Variants in GALNT1 observed in about 807,000 individuals in gnomAD.
GALNT1 encodes polypeptide N-acetylgalactosaminyltransferase 1, also known as GalNAc transferase 1.
GALNT1 carries 17 observed loss-of-function variants against 65.7 expected under a neutral mutation model. That is an observed-to-expected ratio of 0.26 (90% CI 0.18 to 0.39). GALNT1 has a LOEUF of 0.39. Among genes scored for constraint, GALNT1 ranks in the 10% least tolerant of loss-of-function variants. The probability of loss-of-function intolerance (pLI) is 1.00; values close to 1 mark genes in which losing one functional copy is unlikely to be tolerated. For missense variants in GALNT1, 460 were observed against 672.8 expected (o/e 0.68, Z 3.50); for synonymous variants, 210 against 219.7 (o/e 0.96, Z 0.39).
chr18:35,669,482 C>T (rs1206355337), intron 3 of GALNT1, among the ~76,000 whole-genome samples: 2 of 152,140 alleles, frequency 1.3e-5, no homozygotes, highest in Non-Finnish European at 2.9e-5. Flanking sequence ...ATAAATGATA[C>T]ATTAAAAATA....
At position 35,703,515 on chromosome 18, in the gene GALNT1, T is replaced by A. The variant is rs1208737210; in HGVS notation, c.1405T>A (p.Ser469Thr). 4 of 1,613,434 alleles carry A rather than the reference T, an allele frequency of 2.5e-6. No individual in the cohort carries two copies. Among genetic ancestry groups the A allele is most frequent in the Non-Finnish European group, 3.4e-6 (4 of 1,179,716 alleles). Residue 469 changes from serine (S) to threonine (T), a missense_variant, in exon 11 of 12, where the codon TCT (serine) becomes ACT (threonine). Coordinates refer to ENST00000269195, the MANE Select transcript of GALNT1 (RefSeq NM_020474.4). ...CHGMGGNQVFSYTANKEIRTD... is the reference protein window; with the variant it reads ...CHGMGGNQVFTYTANKEIRTD... ...TGTGCATTTTTATTTCCAGGTTTTC[T>A]CTTATACTGCCAACAAAGAAATTAG...
At chr18:35,635,050 C>A (rs73946678) in intron 1 of GALNT1, among the ~76,000 whole-genome samples, 2,412 of 152,122 alleles carry the variant, frequency 0.016, 31 homozygotes, top group African/African-American at 0.028. Context: ...TCCCAGTTGC[C>A]GCTGATTTTC....
intron 1 of GALNT1, among the ~76,000 whole-genome samples, chr18:35,611,530 A>G (rs927192981): frequency 1.3e-4 from 20 of 152,228 alleles, no homozygotes; most frequent in Admixed American, 7.2e-4. Flanking sequence ...TTAAAAGACA[A>G]TTTGCTCTCT....
rs746552085 is a variant in GALNT1, at chr18:35,677,560, CT to C, written c.315-26del. The C allele has an allele frequency of 5.7e-6, 9 of 1,572,894 alleles. No individual in the cohort carries two copies. In the Admixed American group the frequency reaches 1.2e-4, roughly 22 times the overall value. On this transcript the variant is annotated intron_variant, in intron 3 of 11. Coordinates refer to ENST00000269195, the MANE Select transcript of GALNT1 (RefSeq NM_020474.4). ...CTTTATTATGCAATCTTAACAGTCACTTTTTATAAAGGCATTTGCTTTGTCT... is the reference window on the plus strand; with the variant it reads ...CTTTATTATGCAATCTTAACAGTCACTTTTATAAAGGCATTTGCTTTGTCT...
At chr18:35,683,027 G>A (rs946887981) in intron 4 of GALNT1, among the ~76,000 whole-genome samples, 3 of 151,654 alleles carry the variant, frequency 2.0e-5, no homozygotes, top group Non-Finnish European at 4.4e-5. Flanking sequence ...CATATTCTGT[G>A]TCTTCTCTCT....
chr18:35,655,472 A>T (rs1355395904), intron 2 of GALNT1, among the ~76,000 whole-genome samples: 1 of 151,150 alleles, frequency 6.6e-6, no homozygotes, highest in Non-Finnish European at 1.5e-5. Context: ...TATTCAACAA[A>T]CAAATGTTGC....
chr18:35,643,950 T>G (rs754103313), intron 1 of GALNT1, among the ~76,000 whole-genome samples: 69 of 152,210 alleles, frequency 4.5e-4, no homozygotes, highest in Non-Finnish European at 9.3e-4. Flanking sequence ...CATACATTAC[T>G]TTACAAACAG....
intron 1 of GALNT1, among the ~76,000 whole-genome samples, chr18:35,629,910 G>C (rs1396360955): frequency 1.3e-5 from 2 of 152,136 alleles, no homozygotes; most frequent in Admixed American, 1.3e-4. Flanking sequence ...TGCAATCCTA[G>C]TTTCTGATAA....
At chr18:35,689,564 G>A (rs1337562749) in intron 7 of GALNT1, among the ~76,000 whole-genome samples, 4 of 152,020 alleles carry the variant, frequency 2.6e-5, no homozygotes, top group Admixed American at 2.6e-4. Context: ...AGTAATTTAA[G>A]CTCTAAAAGC....
At chr18:35,602,098 A>G (rs2046589122) in intron 1 of GALNT1, among the ~76,000 whole-genome samples, 1 of 152,170 alleles carries the variant, frequency 6.6e-6, no homozygotes, top group South Asian at 2.1e-4. Context: ...TGTCTGGGAA[A>G]TACTTGATCT....
At chr18:35,693,048 T>C (rs781379625) in intron 9 of GALNT1, among the ~76,000 whole-genome samples, 2 of 152,194 alleles carry the variant, frequency 1.3e-5, no homozygotes, top group African/African-American at 2.4e-5. Flanking sequence ...AGACAGATTA[T>C]GAAAGGCACA....
At chr18:35,686,226 TGAGA>T (rs1342748426) in intron 5 of GALNT1, among the ~76,000 whole-genome samples, 6 of 152,102 alleles carry the variant, frequency 3.9e-5, no homozygotes, top group African/African-American at 1.5e-4. Context: ...GAAAAAATCT[TGAGA>T]GAGAAATGGA....
intron 1 of GALNT1, among the ~76,000 whole-genome samples, chr18:35,643,384 C>T (rs534601434): frequency 1.3e-5 from 2 of 152,284 alleles, no homozygotes; most frequent in East Asian, 1.9e-4. Context: ...TATAGTCACA[C>T]CTGTCTCCTT....
At chr18:35,679,920 G>A (rs2144589531) in intron 4 of GALNT1, among the ~76,000 whole-genome samples, 1 of 152,214 alleles carries the variant, frequency 6.6e-6, no homozygotes, top group East Asian at 1.9e-4. Context: ...TATGGAAATA[G>A]ACTAACTAGT....
intron 3 of GALNT1, among the ~76,000 whole-genome samples, chr18:35,665,414 C>T (rs2047535765): frequency 6.6e-6 from 1 of 152,084 alleles, no homozygotes; most frequent in African/African-American, 2.4e-5. Context: ...TAATAGGAGT[C>T]TCAAAAAGAA....
upstream of GALNT1, chr18:35,581,162 T>G (rs2046306692): frequency 1.3e-5 from 2 of 151,482 alleles, no homozygotes; most frequent in South Asian, 2.1e-4. Flanking sequence ...CGATCCGCTG[T>G]GAGGGCTCCT....
rs1041410022 is a variant in GALNT1 at position 35,711,560 on chromosome 18, C to G, written c.*1790C>G. The G allele has an allele frequency of 2.0e-5, 3 of 152,200 alleles. No individual in the cohort carries two copies. The highest frequency in any genetic ancestry group is 1.3e-4 in the Admixed American group (2 of 15,278). 9.4% of individuals were successfully genotyped at this position (152,200 alleles called of 1,614,324 possible). On this transcript the variant is annotated 3_prime_UTR_variant, in exon 12 of 12. Coordinates refer to ENST00000269195, the MANE Select transcript of GALNT1 (RefSeq NM_020474.4). The stretch of plus-strand genomic sequence containing the variant: ...TTTCCATGAGCTGTGTTAATTCTAT[C>G]TCCAGTAGGCCTAATGCTTGAATAA...
chr18:35,609,117 T>C (rs539078466), intron 1 of GALNT1, among the ~76,000 whole-genome samples: 1 of 152,354 alleles, frequency 6.6e-6, no homozygotes, highest in South Asian at 2.1e-4. Context: ...TTGGCATTTT[T>C]AAAATAGCAG....
At chr18:35,607,721 G>A (rs766604822) in intron 1 of GALNT1, among the ~76,000 whole-genome samples, 14 of 152,060 alleles carry the variant, frequency 9.2e-5, no homozygotes, top group African/African-American at 2.7e-4. Context: ...GTCATTCCAC[G>A]CAGTAGAATG....
Sources: gnomAD v4.1 joint callset for allele counts (sites outside exome capture counted in the v4.1 genomes callset) on GRCh38, gnomAD v4.1.1 for gene constraint, MANE v1.5 for transcripts, NCBI Gene and HGNC (gene_info 2026-07-23, HGNC 2026-07-21) for gene names.